GPATCH2: variants seen among roughly 807,000 people sequenced by gnomAD.
GPATCH2 encodes the protein G-patch domain containing 2, also known as G patch domain-containing protein 2.
In GPATCH2, 51 loss-of-function variants were observed where a neutral mutation model predicts 58.0. That is an observed-to-expected ratio of 0.88 (90% CI 0.70 to 1.11). The LOEUF (loss-of-function observed/expected upper bound fraction) is 1.11. Ranked by LOEUF, GPATCH2 falls within the 50% of genes most tolerant of loss-of-function variation. The pLI is 0.00. For synonymous variants in GPATCH2, 222 were observed against 218.5 expected, an observed-to-expected ratio of 1.02 and a Z score of -0.14; for missense variants, 625 against 652.2, an observed-to-expected ratio of 0.96 and a Z score of 0.45.
chr1:217,451,048 A>C (rs1198442427), intron 8 of GPATCH2, among the ~76,000 whole-genome samples: 1 of 152,202 alleles, frequency 6.6e-6, no homozygotes, highest in African/African-American at 2.4e-5. Context: ...AGTTCTCATT[A>C]TTGGAAGAAT....
intron 5 of GPATCH2, among the ~76,000 whole-genome samples, chr1:217,577,403 T>A (rs954031046): frequency 6.6e-6 from 1 of 152,208 alleles, no homozygotes; most frequent in African/African-American, 2.4e-5. Context: ...TCTATAGCTT[T>A]GTGACCTTAA....
intron 8 of GPATCH2, among the ~76,000 whole-genome samples, chr1:217,451,989 G>A (rs1369283269): frequency 6.6e-6 from 1 of 152,228 alleles, no homozygotes; most frequent in Non-Finnish European, 1.5e-5. Context: ...GATGCCTGCA[G>A]AGCAGTGTTG....
rs114066856 is a variant in GPATCH2 at position 217,460,475 on chromosome 1, A to G, written c.1278-11138T>C. 9.6e-3 allele frequency among the ~76,000 whole-genome samples: 1,464 copies of G among 152,244 alleles called. 11 individuals are homozygous for G. The highest frequency in any genetic ancestry group is 0.048 in the Middle Eastern group (14 of 294). On this transcript the variant is annotated intron_variant, in intron 8 of 9. Coordinates refer to ENST00000366935, the MANE Select transcript of GPATCH2 (RefSeq NM_018040.5). The stretch of plus-strand genomic sequence containing the variant: ...ATGTGGGAAAAATGATTCCAAACCA[A>G]TTTTCAAAGAGAATCCTCAACCAGC...
At chr1:217,480,227 T>C (rs1436214585) in intron 8 of GPATCH2, among the ~76,000 whole-genome samples, 1 of 151,942 alleles carries the variant, frequency 6.6e-6, no homozygotes, top group East Asian at 1.9e-4. Context: ...AGAAAATATT[T>C]GCAAGCTACC....
intron 5 of GPATCH2, among the ~76,000 whole-genome samples, chr1:217,574,204 T>C (rs925772674): frequency 6.6e-6 from 1 of 152,200 alleles, no homozygotes; most frequent in Non-Finnish European, 1.5e-5. Context: ...AGAAAGTCTT[T>C]TGAAGGATAG....
chr1:217,610,977 A>G lies in GPATCH2; in HGVS notation c.930T>C (p.Pro310=), dbSNP rs1397958118. 3.1e-6 allele frequency: 5 copies of G among 1,613,210 alleles called. No homozygotes were observed. The Admixed American group carries it at 6.7e-5, about 22-fold the overall frequency. ...GVVPWWEKED[P]TELDKNVPDP... ...CTGGTACATTTTTGTCTAGCTCAGT[A>G]GGATCTTCCTTTTCCCACCAGGGCA... The change falls in exon 4 of 10, where the codon CCT becomes CCC. Residue 310 remains proline, a synonymous_variant. Transcript: ENST00000366935.
chr1:217,608,468 T>C, intron 5 of GPATCH2: 1 of 985,240 alleles, frequency 1.0e-6, no homozygotes, highest in Non-Finnish European at 1.2e-6. Flanking sequence ...TTAAGCCATG[T>C]ATCATCAATA....
At chr1:217,587,248 C>T (rs1365361032) in intron 5 of GPATCH2, among the ~76,000 whole-genome samples, 1 of 152,110 alleles carries the variant, frequency 6.6e-6, no homozygotes, top group African/African-American at 2.4e-5. Flanking sequence ...GGAAATATTA[C>T]AAATCATATT....
intron 5 of GPATCH2, among the ~76,000 whole-genome samples, chr1:217,531,885 A>G (rs1355325453): frequency 2.6e-5 from 4 of 152,234 alleles, no homozygotes; most frequent in Admixed American, 2.6e-4. Context: ...GCTACCTACA[A>G]AGCAAGAGGA....
At chr1:217,489,399 C>G (rs1661610746) in intron 8 of GPATCH2, among the ~76,000 whole-genome samples, 1 of 123,878 alleles carries the variant, frequency 8.1e-6, no homozygotes, top group Non-Finnish European at 1.6e-5. Flanking sequence ...AAATGCTTAA[C>G]TGACTAATGA....
At chr1:217,523,890 CGGGCGGGGGGCTG>C (rs1663636461) in intron 5 of GPATCH2, among the ~76,000 whole-genome samples, 1 of 113,882 alleles carries the variant, frequency 8.8e-6, no homozygotes, top group African/African-American at 2.9e-5. Flanking sequence ...GGCGGCTGGC[CGGGCGGGGGGCTG>C]ACCCCCACAC....
At chr1:217,515,455 C>T (rs1473499342) in intron 5 of GPATCH2, among the ~76,000 whole-genome samples, 1 of 152,110 alleles carries the variant, frequency 6.6e-6, no homozygotes, top group African/African-American at 2.4e-5. Context: ...GTGGCTTACG[C>T]CTGTAATCCC....
chr1:217,506,869 G>C (rs1662590112), intron 6 of GPATCH2, among the ~76,000 whole-genome samples: 2 of 152,180 alleles, frequency 1.3e-5, no homozygotes, highest in African/African-American at 4.8e-5. Flanking sequence ...AGTTCACTTA[G>C]ATCCTAGAGA....
intron 9 of GPATCH2, among the ~76,000 whole-genome samples, chr1:217,448,594 G>T (rs750863533): frequency 8.5e-5 from 13 of 152,142 alleles, no homozygotes; most frequent in Admixed American, 2.0e-4. Context: ...TGCCCTTTCA[G>T]TAAGGCAGGC....
At chr1:217,559,692 TGAGCCTGA>T (rs1665821854) in intron 5 of GPATCH2, among the ~76,000 whole-genome samples, 1 of 152,038 alleles carries the variant, frequency 6.6e-6, no homozygotes, top group Non-Finnish European at 1.5e-5. Flanking sequence ...AGAGAGCAGG[TGAGCCTGA>T]GAGACAGCAA....
chr1:217,443,513 T>G (rs1659243397), intron 9 of GPATCH2, among the ~76,000 whole-genome samples: 1 of 152,164 alleles, frequency 6.6e-6, no homozygotes, highest in Admixed American at 6.5e-5. Flanking sequence ...TTATTTATAT[T>G]TAATATTTCT....
chr1:217,589,331 T>C (rs1311168131), intron 5 of GPATCH2, among the ~76,000 whole-genome samples: 1 of 150,004 alleles, frequency 6.7e-6, no homozygotes, highest in Non-Finnish European at 1.5e-5. Context: ...CTTTATGACC[T>C]AAGTGCCTGC....
intron 5 of GPATCH2, among the ~76,000 whole-genome samples, chr1:217,517,679 G>C (rs996014432): frequency 6.6e-6 from 1 of 152,074 alleles, no homozygotes; most frequent in African/African-American, 2.4e-5. Flanking sequence ...TTAAACATCA[G>C]ATCAAAGTAT....
At chr1:217,462,166 G>A (rs1660227269) in intron 8 of GPATCH2, among the ~76,000 whole-genome samples, 1 of 152,122 alleles carries the variant, frequency 6.6e-6, no homozygotes, top group African/African-American at 2.4e-5. Flanking sequence ...CTGTATTTAA[G>A]AGGTCTACTG....
Sources: gnomAD v4.1 joint callset for allele counts (sites outside exome capture counted in the v4.1 genomes callset) on GRCh38, gnomAD v4.1.1 for gene constraint, MANE v1.5 for transcripts, NCBI Gene and HGNC (gene_info 2026-07-23, HGNC 2026-07-21) for gene names.